The following CSMD3 variants were observed in gnomAD, a reference collection of about 807,000 sequenced individuals.
CSMD3 encodes CUB and sushi domain-containing protein 3.
Under a neutral mutation model 435.2 loss-of-function variants are expected in CSMD3, and 177 were observed. That is an observed-to-expected ratio of 0.41 (90% CI 0.36 to 0.46). The LOEUF is 0.46. Ranked by LOEUF, CSMD3 falls within the 20% of genes least tolerant of loss-of-function variation. The pLI is 0.34. For missense variants in CSMD3, 4,265 were observed against 4,504.6 expected, an observed-to-expected ratio of 0.95 and a Z score of 1.52; for synonymous variants, 1,656 against 1,520.5, an observed-to-expected ratio of 1.09 and a Z score of -2.07.
Position 112,991,940 on chromosome 8 carries a change from T to G in CSMD3, c.1031-15792A>C, listed in dbSNP as rs188337296. Among the ~76,000 whole-genome samples, 238 of 151,964 alleles carry G rather than the reference T, an allele frequency of 1.6e-3. 1 individual carries two copies. The highest frequency in any genetic ancestry group is 3.3e-3 in the Admixed American group (50 of 15,184). ...CATGAGAAAGAACAATCAGTGTTAATTTAATTATAGTGTTAAGTAAAGGAA... is the reference window on the plus strand; with the variant it reads ...CATGAGAAAGAACAATCAGTGTTAAGTTAATTATAGTGTTAAGTAAAGGAA... On this transcript the variant is annotated intron_variant, in intron 6 of 70. Transcript: ENST00000297405.
intron 1 of CSMD3, among the ~76,000 whole-genome samples, chr8:113,334,714 T>C (rs780419766): frequency 3.9e-5 from 6 of 152,128 alleles, no homozygotes; most frequent in African/African-American, 1.4e-4. Flanking sequence ...CTTTGCACTT[T>C]TGTAATTGTG....
intron 3 of CSMD3, among the ~76,000 whole-genome samples, chr8:113,212,481 T>A (rs1204206707): frequency 6.6e-6 from 1 of 152,182 alleles, no homozygotes; most frequent in African/African-American, 2.4e-5. Context: ...ACTGGATACA[T>A]ACTGAACTAC....
chr8:112,357,560 A>C (rs544718128), intron 38 of CSMD3, among the ~76,000 whole-genome samples: 6 of 152,310 alleles, frequency 3.9e-5, no homozygotes, highest in African/African-American at 1.2e-4. Flanking sequence ...AGAGGTCTTC[A>C]TGGCAGCCCC....
At chr8:112,335,533 G>C (rs2130950009) in intron 44 of CSMD3, 59 bp from the exon 45 acceptor site, 1 of 1,459,460 alleles carries the variant, frequency 6.9e-7, no homozygotes, top group East Asian at 2.3e-5. Context: ...AAGTAGTTTT[G>C]AACCGTATTT....
In CSMD3 at chr8:112,337,410, T is replaced by C. The variant is rs986449851; in HGVS notation, c.6841+133A>G. On this transcript the variant is annotated intron_variant, in intron 43 of 70. Coordinates refer to ENST00000297405, the MANE Select transcript of CSMD3 (RefSeq NM_198123.2). ...GTTATTCATTATAGAGCCTTAGGGGTTTAAAAAATATCTTCAGCTGAGAGA... is the reference window on the plus strand; with the variant it reads ...GTTATTCATTATAGAGCCTTAGGGGCTTAAAAAATATCTTCAGCTGAGAGA... 5 of 746,008 alleles carry C rather than the reference T, an allele frequency of 6.7e-6. No homozygotes were observed. In the South Asian group the frequency reaches 7.6e-5, roughly 11 times the overall value. The allele number at this position is 746,008 out of a possible 1,614,324, so 46.2% of individuals were successfully genotyped here. A position where few individuals can be genotyped will look rare whatever the true frequency, so the allele number is the denominator to read the frequency against.
chr8:112,663,720 A>G (rs2075447055), intron 17 of CSMD3, among the ~76,000 whole-genome samples: 1 of 152,138 alleles, frequency 6.6e-6, no homozygotes, highest in Non-Finnish European at 1.5e-5. Context: ...GGTTATCAAG[A>G]AAATTTAGAA....
At chr8:112,347,119 T>A (rs1269961526) in intron 40 of CSMD3, among the ~76,000 whole-genome samples, 1 of 152,078 alleles carries the variant, frequency 6.6e-6, no homozygotes, top group Non-Finnish European at 1.5e-5. Context: ...AATTTGAGAA[T>A]GTAGGGAGTT....
chr8:112,460,720 T>C (rs1229892349), intron 32 of CSMD3, among the ~76,000 whole-genome samples: 1 of 152,154 alleles, frequency 6.6e-6, no homozygotes, highest in Non-Finnish European at 1.5e-5. Flanking sequence ...AAATAAGCAG[T>C]ATAATAGATG....
chr8:112,913,853 T>C (rs1452341540), intron 10 of CSMD3, among the ~76,000 whole-genome samples: 2 of 151,926 alleles, frequency 1.3e-5, no homozygotes, highest in East Asian at 3.9e-4. Context: ...ATTTTTGTAC[T>C]CTTCTAGGCA....
intron 13 of CSMD3, among the ~76,000 whole-genome samples, chr8:112,703,111 G>A (rs1356466989): frequency 4.6e-5 from 7 of 152,132 alleles, no homozygotes; most frequent in Admixed American, 3.9e-4. Context: ...TATAAAATGA[G>A]GTTGGGATTT....
At chr8:112,740,387 A>C (rs761741583) in intron 13 of CSMD3, among the ~76,000 whole-genome samples, 1 of 151,722 alleles carries the variant, frequency 6.6e-6, no homozygotes, top group Non-Finnish European at 1.5e-5. Flanking sequence ...TCACTTAAAT[A>C]ATACATGTCA....
intron 22 of CSMD3, among the ~76,000 whole-genome samples, chr8:112,589,243 C>T (rs924067007): frequency 6.6e-6 from 1 of 152,234 alleles, no homozygotes; most frequent in South Asian, 2.1e-4. Context: ...ATTACCTACC[C>T]TTCTCTGCCA....
chr8:112,381,412 G>C (rs922458388), intron 37 of CSMD3, among the ~76,000 whole-genome samples: 1 of 152,170 alleles, frequency 6.6e-6, no homozygotes, highest in African/African-American at 2.4e-5. Context: ...TGAGCAAAGA[G>C]TTTAAGATCT....
At chr8:112,787,580 T>TA (rs1267525664) in intron 13 of CSMD3, among the ~76,000 whole-genome samples, 1 of 152,186 alleles carries the variant, frequency 6.6e-6, no homozygotes, top group Non-Finnish European at 1.5e-5. Flanking sequence ...CTGTGCTGCA[T>TA]ATACACAATG....
intron 10 of CSMD3, among the ~76,000 whole-genome samples, chr8:112,875,792 C>T (rs12114864): frequency 0.013 from 1,972 of 152,180 alleles, 54 homozygotes; most frequent in African/African-American, 0.044. Flanking sequence ...TTTCTCTAAA[C>T]TGGTTATTCT....
At chr8:112,626,033 A>G (rs1834447505) in intron 22 of CSMD3, among the ~76,000 whole-genome samples, 1 of 152,142 alleles carries the variant, frequency 6.6e-6, no homozygotes, top group Non-Finnish European at 1.5e-5. Flanking sequence ...TATAATAAAC[A>G]AAGAATGACT....
At chr8:112,799,315 T>G (rs1215459723) in intron 13 of CSMD3, among the ~76,000 whole-genome samples, 2 of 151,896 alleles carry the variant, frequency 1.3e-5, no homozygotes, top group East Asian at 3.9e-4. Flanking sequence ...AAGAGAAAAT[T>G]CTAATTGAAA....
At position 112,316,439 on chromosome 8, in the gene CSMD3, CA is replaced by C. The variant is rs541216607; in HGVS notation, c.7361-1823del. 7.4e-3 allele frequency among the ~76,000 whole-genome samples: 1,102 copies of C among 149,840 alleles called. 44 individuals are homozygous for C. The highest frequency in any genetic ancestry group is 0.067 in the Admixed American group (1,002 of 15,040). ...GATATGGAATATATGAGTCAAAGGCCAAAAAAAAGTAAGTATGTGGCTACGA... is the reference window on the plus strand; with the variant it reads ...GATATGGAATATATGAGTCAAAGGCCAAAAAAAGTAAGTATGTGGCTACGA... On this transcript the variant is annotated intron_variant, in intron 47 of 70. Coordinates refer to ENST00000297405, the MANE Select transcript of CSMD3 (RefSeq NM_198123.2).
At chr8:113,155,143 A>G (rs2091906080) in intron 4 of CSMD3, among the ~76,000 whole-genome samples, 2 of 152,056 alleles carry the variant, frequency 1.3e-5, no homozygotes, top group Admixed American at 1.3e-4. Context: ...GTAAAGAGTG[A>G]AAGCTATTAC....
Sources: gnomAD v4.1 joint callset for allele counts (sites outside exome capture counted in the v4.1 genomes callset) on GRCh38, gnomAD v4.1.1 for gene constraint, MANE v1.5 for transcripts, NCBI Gene and HGNC (gene_info 2026-07-23, HGNC 2026-07-21) for gene names.